LRRFIP1: variants seen among roughly 807,000 people sequenced by gnomAD.
The protein encoded by LRRFIP1 is LRR binding FLII interacting protein 1, also known as leucine-rich repeat flightless-interacting protein 1.
In LRRFIP1, 62 loss-of-function variants were observed where a neutral mutation model predicts 104.4. That is an observed-to-expected ratio of 0.59 (90% CI 0.48 to 0.73). The LOEUF is 0.73. Among genes scored for constraint, LRRFIP1 ranks in the 30% least tolerant of loss-of-function variants. LRRFIP1 has a pLI of 0.00. For synonymous variants in LRRFIP1, 300 were observed against 299.0 expected (o/e 1.00, Z -0.03); for missense variants, 796 against 824.5 (o/e 0.97, Z 0.42).
chr2:237,693,955 C>G (rs2092992541), intron 1 of LRRFIP1, among the ~76,000 whole-genome samples: 2 of 152,200 alleles, frequency 1.3e-5, no homozygotes, highest in African/African-American at 4.8e-5. Flanking sequence ...AGAGGAAAGT[C>G]TGGACTGTGT....
chr2:237,748,497 A>C, intron 12 of LRRFIP1, 98 bp downstream of exon 12: 4 of 1,169,778 alleles, frequency 3.4e-6, no homozygotes, highest in Non-Finnish European at 4.9e-6. Context: ...GATGTTCCCC[A>C]GCGAGGGAAC....
chr2:237,703,367 T>TCCCCACCCCA lies in LRRFIP1; in HGVS notation c.97-5177_97-5176insCCCCACCCCA, dbSNP rs2093636829. ...TCACTTCCTTGGTTTCCTGTTGCTC[T>TCCCCACCCCA]TCCCACCCCATACCTGCTCCCCACA... On this transcript the variant is annotated intron_variant, in intron 1 of 23. Coordinates refer to ENST00000308482, the MANE Select transcript of LRRFIP1 (RefSeq NM_001137550.2). The surrounding 1 kb of genome is among the most constrained non-coding windows in gnomAD (Gnocchi z 4.3). 2.6e-5 allele frequency among the ~76,000 whole-genome samples: 4 copies of TCCCCACCCCA among 152,266 alleles called. No homozygotes were observed. The highest frequency in any genetic ancestry group is 9.6e-5 in the African/African-American group (4 of 41,538).
rs541157939 is a variant in LRRFIP1 at position 237,691,744 on chromosome 2, C to T, written c.97-16800C>T. On this transcript the variant is annotated intron_variant, in intron 1 of 23. Transcript: ENST00000308482. This position sits in a 1 kb window ranked among gnomAD's most constrained non-coding sequence, Gnocchi z 5.4. ...GACCCCTACTGGGCGCGGCATCCTC[C>T]CCGGAGCGCCCGCTTCCCACGGCCC... 6.6e-6 allele frequency among the ~76,000 whole-genome samples: 1 copy of T among 152,268 alleles called. No homozygotes were observed. Among genetic ancestry groups the T allele is most frequent in the South Asian group, 2.1e-4 (1 of 4,830 alleles).
intron 19 of LRRFIP1, among the ~76,000 whole-genome samples, chr2:237,760,760 C>T (rs910356553): frequency 3.3e-5 from 5 of 152,120 alleles, no homozygotes; most frequent in East Asian, 1.9e-4. Context: ...GGCAGGCGGC[C>T]GTGGTAGTGG....
chr2:237,655,339 A>G (rs1451256253), intron 1 of LRRFIP1, among the ~76,000 whole-genome samples: 1 of 150,984 alleles, frequency 6.6e-6, no homozygotes, highest in African/African-American at 2.4e-5. Context: ...CAAATTCCTG[A>G]CCTCAAATGA....
intron 1 of LRRFIP1, among the ~76,000 whole-genome samples, chr2:237,651,507 C>G (rs761968321): frequency 1.3e-5 from 2 of 152,196 alleles, no homozygotes; most frequent in Non-Finnish European, 2.9e-5. Flanking sequence ...TCCTACACCT[C>G]CTTCCATCTG....
At chr2:237,664,555 T>C (rs997513843) in intron 1 of LRRFIP1, among the ~76,000 whole-genome samples, 1 of 152,210 alleles carries the variant, frequency 6.6e-6, no homozygotes, top group African/African-American at 2.4e-5. Flanking sequence ...CAAGACTGAA[T>C]GGACTTTTTT....
chr2:237,703,817 G>A lies in LRRFIP1; in HGVS notation c.97-4727G>A, dbSNP rs560733576. Among the ~76,000 whole-genome samples the A allele has an allele frequency of 2.0e-4, 31 of 152,222 alleles. No individual in the cohort carries two copies. Among genetic ancestry groups the A allele is most frequent in the Admixed American group, 1.4e-3 (21 of 15,296 alleles). On this transcript the variant is annotated intron_variant, in intron 1 of 23. Transcript: ENST00000308482. The surrounding 1 kb of genome is among the most constrained non-coding windows in gnomAD (Gnocchi z 4.3). ...AAGCAGTGCTGAGACAGCATGGCAC[G>A]TTCACAGCACAGTGCATTCCTGTGG... is the stretch of plus-strand genomic sequence containing the variant.
chr2:237,652,442 A>G (rs2086089413), intron 1 of LRRFIP1, among the ~76,000 whole-genome samples: 3 of 152,226 alleles, frequency 2.0e-5, no homozygotes, highest in South Asian at 2.1e-4. Flanking sequence ...GAAGTGCCAA[A>G]TGGATATAAA....
chr2:237,668,819 C>T lies in LRRFIP1; in HGVS notation c.97-39725C>T, dbSNP rs2089918398. On this transcript the variant is annotated intron_variant, in intron 1 of 23. Transcript: ENST00000308482. ...AATATTTATTATATTAAACGTAATA[C>T]ATGTTTATTATAGAAAAATAATAAG... Among the ~76,000 whole-genome samples, 6 of 152,114 alleles carry T rather than the reference C, an allele frequency of 3.9e-5. No individual in the cohort carries two copies. In the South Asian group the frequency reaches 8.3e-4, roughly 21 times the overall value.
intron 1 of LRRFIP1, among the ~76,000 whole-genome samples, chr2:237,687,021 T>C (rs984971615): frequency 2.0e-5 from 3 of 152,252 alleles, no homozygotes; most frequent in Non-Finnish European, 4.4e-5. Flanking sequence ...GTCCACGTGA[T>C]GACTTTCTGC....
rs372301616 is a variant in LRRFIP1 at position 237,765,394 on chromosome 2, C to CACTGT, written c.1460-4545_1460-4541dup. ...AAGGCTGCAGTGAGCTATGATTGCA[C>CACTGT]ACTGTACTCTAGCCTGGGAGACAGA... On this transcript the variant is annotated intron_variant, in intron 19 of 23. Transcript: ENST00000308482. 64 of 747,262 alleles carry CACTGT rather than the reference C, an allele frequency of 8.6e-5. No individual in the cohort carries two copies. In the African/African-American group the frequency reaches 1.3e-3, roughly 15 times the overall value. The allele number at this position is 747,262 out of a possible 1,614,324, so 46.3% of individuals were successfully genotyped here. A position where few individuals can be genotyped will look rare whatever the true frequency, so the allele number is the denominator to read the frequency against.
intron 21 of LRRFIP1, 94 bp from the exon 22 acceptor site, chr2:237,772,772 A>G (rs990390435): frequency 3.5e-6 from 3 of 850,130 alleles, no homozygotes; most frequent in African/African-American, 1.7e-5. Context: ...TTGTGAGATG[A>G]TTACAAAGTA....
intron 1 of LRRFIP1, among the ~76,000 whole-genome samples, chr2:237,675,652 T>C (rs2091050032): frequency 6.6e-6 from 1 of 152,226 alleles, no homozygotes. Flanking sequence ...GAAATGAACT[T>C]TGTTATTTTC....
intron 18 of LRRFIP1, among the ~76,000 whole-genome samples, 152 bp downstream of exon 18, chr2:237,758,973 C>T (rs1012111208): frequency 2.6e-5 from 4 of 152,084 alleles, no homozygotes; most frequent in Non-Finnish European, 4.4e-5. Context: ...TAACTGACAG[C>T]GATGAGATGT....
intron 1 of LRRFIP1, among the ~76,000 whole-genome samples, chr2:237,629,802 A>C (rs201450243): frequency 6.6e-6 from 1 of 152,146 alleles, no homozygotes; most frequent in Non-Finnish European, 1.5e-5. Context: ...ATAGATTGAA[A>C]AGGAAGGCAA....
intron 8 of LRRFIP1, among the ~76,000 whole-genome samples, chr2:237,730,651 C>T (rs1261294587): frequency 1.3e-5 from 2 of 152,218 alleles, no homozygotes; most frequent in East Asian, 3.9e-4. Flanking sequence ...GGTGTGGTGG[C>T]TCACACCTAT....
chr2:237,677,209 A>G (rs1401615869), intron 1 of LRRFIP1, among the ~76,000 whole-genome samples: 3 of 152,078 alleles, frequency 2.0e-5, no homozygotes, highest in Admixed American at 2.0e-4. Context: ...TCTCTTCTCC[A>G]TCCAGCCCTG....
At position 237,717,303 on chromosome 2, in the gene LRRFIP1, G is replaced by A. The variant is rs750629431; in HGVS notation, c.202-459G>A. On this transcript the variant is annotated intron_variant, in intron 3 of 23. Transcript: ENST00000308482. The surrounding 1 kb of genome is among the most constrained non-coding windows in gnomAD (Gnocchi z 4.2). ...AGGCAGCTAGAACAAGCGTCAGCAC[G>A]CAGTTTCTCCCCTTCTCCTCTCAGT... Among the ~76,000 whole-genome samples, 3 of 152,222 alleles carry A rather than the reference G, an allele frequency of 2.0e-5. No homozygotes were observed. The highest frequency in any genetic ancestry group is 7.2e-5 in the African/African-American group (3 of 41,460).
Sources: allele counts gnomAD v4.1 joint callset (sites outside exome capture counted in the v4.1 genomes callset), GRCh38; gene constraint gnomAD v4.1.1; non-coding constraint Gnocchi (gnomAD v3.1); transcripts MANE v1.5; gene names NCBI Gene and HGNC (gene_info 2026-07-23, HGNC 2026-07-21).